MCC: variants seen among roughly 807,000 people sequenced by gnomAD.
MCC encodes colorectal mutant cancer protein.
MCC carries 90 observed loss-of-function variants against 116.2 expected under a neutral mutation model. That is an observed-to-expected ratio of 0.77 (90% CI 0.65 to 0.92). The LOEUF is 0.92. MCC is among the 40% of genes least tolerant of loss of function. MCC has a pLI of 0.00. For synonymous variants in MCC, 578 were observed against 510.5 expected, an observed-to-expected ratio of 1.13 and a Z score of -1.78; for missense variants, 1,516 against 1,312.2, an observed-to-expected ratio of 1.16 and a Z score of -2.40.
intron 1 of MCC, among the ~76,000 whole-genome samples, chr5:113,407,459 C>A (rs1769867723): frequency 6.6e-6 from 1 of 152,188 alleles, no homozygotes; most frequent in South Asian, 2.1e-4. Context: ...ACTGCAAAAA[C>A]TGGGACCATT....
chr5:113,342,814 G>C (rs1357688392), intron 2 of MCC, among the ~76,000 whole-genome samples: 2 of 152,208 alleles, frequency 1.3e-5, no homozygotes, highest in South Asian at 4.1e-4. Context: ...TAGAGAGGTA[G>C]TATTGATAAG....
chr5:113,220,047 A>G (rs1050627287), intron 3 of MCC, among the ~76,000 whole-genome samples: 1 of 96,318 alleles, frequency 1.0e-5, no homozygotes, highest in South Asian at 5.5e-4. Context: ...TGGAATCTGC[A>G]TGTCAATTTC....
At chr5:113,403,131 T>C (rs1234250439) in intron 1 of MCC, among the ~76,000 whole-genome samples, 3 of 152,148 alleles carry the variant, frequency 2.0e-5, no homozygotes, top group African/African-American at 4.8e-5. Context: ...AGCACTGTTC[T>C]AGATGTCATG....
intron 1 of MCC, among the ~76,000 whole-genome samples, chr5:113,454,477 T>C (rs924732136): frequency 2.6e-5 from 4 of 152,104 alleles, no homozygotes; most frequent in African/African-American, 9.7e-5. Flanking sequence ...GATGATTGCC[T>C]TGAAAAGGTG....
At chr5:113,278,481 G>C (rs768380157) in intron 3 of MCC, among the ~76,000 whole-genome samples, 1 of 152,208 alleles carries the variant, frequency 6.6e-6, no homozygotes, top group Admixed American at 6.5e-5. Flanking sequence ...GGGAACACAG[G>C]AGAGGAGATG....
chr5:113,187,154 C>T (rs532943130), intron 3 of MCC, among the ~76,000 whole-genome samples: 2 of 152,252 alleles, frequency 1.3e-5, no homozygotes, highest in Admixed American at 1.3e-4. Flanking sequence ...CTCATATGCC[C>T]CATCACTACT....
rs142831373 is a variant in MCC, at chr5:113,198,164, A to C, written c.628-46742T>G. 1.6e-4 allele frequency among the ~76,000 whole-genome samples: 24 copies of C among 152,332 alleles called. No homozygotes were observed. In the East Asian group the frequency reaches 4.2e-3, roughly 27 times the overall value. On this transcript the variant is annotated intron_variant, in intron 3 of 18. Transcript: ENST00000408903. Reference sequence around the variant, plus strand: ...ATACAGAAATGGTATCACCCATATAAGGCAGTTCAGCTTGTTCATGTCTTT... The same window carrying C: ...ATACAGAAATGGTATCACCCATATACGGCAGTTCAGCTTGTTCATGTCTTT...
intron 8 of MCC, among the ~76,000 whole-genome samples, chr5:113,096,355 C>T (rs1756017355): frequency 6.6e-6 from 1 of 152,090 alleles, no homozygotes; most frequent in South Asian, 2.1e-4. Context: ...GGTGCTACAC[C>T]CCATTTACTG....
intron 1 of MCC, among the ~76,000 whole-genome samples, chr5:113,416,956 C>A (rs1322880660): frequency 6.7e-6 from 1 of 149,140 alleles, no homozygotes; most frequent in South Asian, 2.1e-4. Flanking sequence ...CTGTTTCTTA[C>A]CATGTGAATT....
At chr5:113,179,892 C>A (rs1038211806) in intron 3 of MCC, among the ~76,000 whole-genome samples, 61 of 152,216 alleles carry the variant, frequency 4.0e-4, no homozygotes, top group African/African-American at 1.4e-3. Context: ...TCTCAACCAG[C>A]TGCTATGGGT....
Position 113,199,888 on chromosome 5 carries a change from G to T in MCC, c.628-48466C>A, listed in dbSNP as rs73778975. On this transcript the variant is annotated intron_variant, in intron 3 of 18. Coordinates refer to ENST00000408903, the MANE Select transcript of MCC (RefSeq NM_001085377.2). ...GAAGACAACCCTGAAACCCAAGGGG[G>T]ATATTTTTCTGGCTTCTTCCCGGTG... Among the ~76,000 whole-genome samples the T allele has an allele frequency of 6.0e-3, 911 of 152,296 alleles. 8 individuals are homozygous for T. Among genetic ancestry groups the T allele is most frequent in the African/African-American group, 0.021 (874 of 41,542 alleles).
chr5:113,176,712 T>C (rs1231739552), intron 3 of MCC, among the ~76,000 whole-genome samples: 1 of 152,196 alleles, frequency 6.6e-6, no homozygotes, highest in African/African-American at 2.4e-5. Flanking sequence ...ATATGGGCCA[T>C]GAGCCAAGTT....
chr5:113,150,995 G>A (rs982123857), intron 4 of MCC, among the ~76,000 whole-genome samples: 23 of 152,214 alleles, frequency 1.5e-4, no homozygotes, highest in Non-Finnish European at 3.1e-4. Flanking sequence ...AGTGAGTCAT[G>A]ATCGTGCCAC....
At chr5:113,284,266 C>G (rs1228875659) in intron 3 of MCC, among the ~76,000 whole-genome samples, 1 of 152,212 alleles carries the variant, frequency 6.6e-6, no homozygotes, top group Non-Finnish European at 1.5e-5. Flanking sequence ...GGGACGATCA[C>G]TTGAGCCCAG....
intron 3 of MCC, among the ~76,000 whole-genome samples, chr5:113,246,628 G>T (rs1433515084): frequency 6.6e-6 from 1 of 152,222 alleles, no homozygotes; most frequent in Non-Finnish European, 1.5e-5. Context: ...CCCAGGCGGA[G>T]ATACTGTCTT....
At chr5:113,424,136 C>CACACACACACACACACACACAA (rs1256873481) in intron 1 of MCC, among the ~76,000 whole-genome samples, 3 of 111,580 alleles carry the variant, frequency 2.7e-5, no homozygotes, top group African/African-American at 1.5e-4. Context: ...ATCCTCTACA[C>CACACACACACACACACACACAA]ACACACACAC....
intron 16 of MCC, chr5:113,044,585 G>GT (rs1751946857): frequency 1.6e-6 from 1 of 610,830 alleles, no homozygotes; most frequent in Non-Finnish European, 2.0e-6. Context: ...TTTTTTGTTT[G>GT]TTTTTTGAGA....
chr5:113,090,114 G>A (rs775829912), intron 8 of MCC, among the ~76,000 whole-genome samples: 12 of 152,148 alleles, frequency 7.9e-5, no homozygotes, highest in Non-Finnish European at 1.2e-4. Flanking sequence ...TGGCAGTGTG[G>A]TGGGCAGAGT....
chr5:113,157,926 G>A (rs979415845), intron 3 of MCC, among the ~76,000 whole-genome samples: 6 of 152,192 alleles, frequency 3.9e-5, no homozygotes, highest in Non-Finnish European at 2.9e-5. Flanking sequence ...GGGCCATTAT[G>A]ATGTAAAATA....
Sources: allele counts gnomAD v4.1 joint callset (sites outside exome capture counted in the v4.1 genomes callset), GRCh38; gene constraint gnomAD v4.1.1; transcripts MANE v1.5; gene names NCBI Gene and HGNC (gene_info 2026-07-23, HGNC 2026-07-21).